GABRG1: variants seen among roughly 807,000 people sequenced by gnomAD.
GABRG1 encodes the protein gamma-aminobutyric acid receptor subunit gamma-1.
Under a neutral mutation model 49.8 loss-of-function variants are expected in GABRG1, and 49 were observed. The observed-to-expected ratio is 0.98, with a 90% CI of 0.78 to 1.25. The LOEUF (loss-of-function observed/expected upper bound fraction) is 1.25, where lower values mean the gene tolerates loss of function less well. GABRG1 is among the 50% of genes most tolerant of loss of function. GABRG1 has a pLI of 0.00. For synonymous variants in GABRG1, 232 were observed against 185.1 expected, an observed-to-expected ratio of 1.25 and a Z score of -2.06; for missense variants, 552 against 552.3, an observed-to-expected ratio of 1.00 and a Z score of 0.01.
chr4:46,047,961 T>C (rs1039111557), intron 8 of GABRG1, among the ~76,000 whole-genome samples: 1 of 152,010 alleles, frequency 6.6e-6, no homozygotes, highest in Non-Finnish European at 1.5e-5. Flanking sequence ...TAATTTCACA[T>C]CTTAATAAAA....
At chr4:46,057,636 A>T (rs536175615) in intron 7 of GABRG1, among the ~76,000 whole-genome samples, 21 of 152,228 alleles carry the variant, frequency 1.4e-4, no homozygotes, top group Non-Finnish European at 2.8e-4. Flanking sequence ...TTACCCTGTT[A>T]ATCAATGTTA....
At chr4:46,091,312 G>A (rs1719981825) in intron 2 of GABRG1, among the ~76,000 whole-genome samples, 1 of 151,826 alleles carries the variant, frequency 6.6e-6, no homozygotes, top group African/African-American at 2.4e-5. Context: ...ACAAAATTAA[G>A]TCCTCTCTGG....
chr4:46,120,437 A>C (rs2109448840), intron 1 of GABRG1, among the ~76,000 whole-genome samples: 1 of 151,888 alleles, frequency 6.6e-6, no homozygotes, highest in East Asian at 1.9e-4. Flanking sequence ...GAATGGAAGA[A>C]AGATACTGAT....
rs527324244 is a variant in GABRG1 at position 46,114,128 on chromosome 4, C to G, written c.104+9682G>C. 2.0e-5 allele frequency among the ~76,000 whole-genome samples: 3 copies of G among 151,014 alleles called. No homozygotes were observed. The East Asian group carries it at 5.9e-4, about 30-fold the overall frequency. On this transcript the variant is annotated intron_variant, in intron 1 of 8. Coordinates refer to ENST00000295452, the MANE Select transcript of GABRG1 (RefSeq NM_173536.4). ...GAAAAGTTCCTTTCTAGGGTTGTAG[C>G]TCTGAATAATTTTTCACTGTACAAA...
chr4:46,080,871 C>T (rs1285185123), intron 3 of GABRG1, among the ~76,000 whole-genome samples: 14 of 151,794 alleles, frequency 9.2e-5, no homozygotes, highest in Non-Finnish European at 2.1e-4. Context: ...TACAATACTC[C>T]ACTAAAGAAG....
Position 46,065,565 on chromosome 4 carries a change from A to T in GABRG1, c.341T>A (p.Ile114Asn), listed in dbSNP as rs1439618330. 2 of 1,482,450 alleles carry T rather than the reference A, an allele frequency of 1.3e-6. No individual in the cohort carries two copies. The highest frequency in any genetic ancestry group is 3.4e-5 in the Admixed American group (2 of 59,652). 91.8% of individuals were successfully genotyped at this position (1,482,450 alleles called of 1,614,324 possible). The change falls in exon 4 of 9, where the codon ATT (isoleucine) becomes AAT (asparagine). Residue 114 changes from isoleucine (I) to asparagine (N), a missense_variant. Transcript: ENST00000295452. ...PINMEYTIDIIFAQTWFDSRL... is the reference protein window; with the variant it reads ...PINMEYTIDINFAQTWFDSRL... ...ACTGTCAAACCAGGTTTGGGCAAAAATTATATCTATTGTATATTCCTAAAA... is the reference window on the plus strand; with the variant it reads ...ACTGTCAAACCAGGTTTGGGCAAAATTTATATCTATTGTATATTCCTAAAA...
At chr4:46,118,026 A>T (rs1320613812) in intron 1 of GABRG1, among the ~76,000 whole-genome samples, 1 of 130,846 alleles carries the variant, frequency 7.6e-6, no homozygotes, top group East Asian at 2.1e-4. Flanking sequence ...GTGTATCTAT[A>T]TACATATATA....
intron 3 of GABRG1, among the ~76,000 whole-genome samples, chr4:46,068,227 A>G (rs1718989374): frequency 6.6e-6 from 1 of 152,172 alleles, no homozygotes; most frequent in Admixed American, 6.5e-5. Flanking sequence ...ACTGTTGCAT[A>G]GGATCAAACA....
At position 46,087,603 on chromosome 4, in the gene GABRG1, G is replaced by A. The variant is rs189893581; in HGVS notation, c.254-3550C>T. On this transcript the variant is annotated intron_variant, in intron 2 of 8. Coordinates refer to ENST00000295452, the MANE Select transcript of GABRG1 (RefSeq NM_173536.4). ...ATAAAATTGAGAAAAATAAAATATC[G>A]ATCTAGTTAACAGAAAACCTATAGT... Among the ~76,000 whole-genome samples, 334 of 151,652 alleles carry A rather than the reference G, an allele frequency of 2.2e-3. 1 individual carries two copies. The highest frequency in any genetic ancestry group is 7.5e-3 in the African/African-American group (310 of 41,444).
intron 2 of GABRG1, among the ~76,000 whole-genome samples, chr4:46,087,619 A>T (rs1328609467): frequency 6.6e-6 from 1 of 151,852 alleles, no homozygotes; most frequent in Non-Finnish European, 1.5e-5. Context: ...GTTAACAGAA[A>T]ACCTATAGTT....
chr4:46,076,695 T>C (rs1415774034), intron 3 of GABRG1, among the ~76,000 whole-genome samples: 3 of 151,586 alleles, frequency 2.0e-5, no homozygotes, highest in Admixed American at 6.6e-5. Flanking sequence ...GAGGCCAGAA[T>C]TACCAAGCAG....
At chr4:46,106,121 T>C (rs1290904118) in intron 1 of GABRG1, among the ~76,000 whole-genome samples, 2 of 151,468 alleles carry the variant, frequency 1.3e-5, no homozygotes, top group African/African-American at 4.8e-5. Context: ...AGGTCCTTTC[T>C]CAGGCCAAGT....
intron 1 of GABRG1, among the ~76,000 whole-genome samples, chr4:46,105,151 C>A (rs1325278055): frequency 1.3e-5 from 2 of 151,242 alleles, no homozygotes; most frequent in Non-Finnish European, 3.0e-5. Flanking sequence ...AAAGCACAAA[C>A]AAAGAGAAGG....
At chr4:46,080,221 T>G (rs1577652836) in intron 3 of GABRG1, among the ~76,000 whole-genome samples, 1 of 151,848 alleles carries the variant, frequency 6.6e-6, no homozygotes, top group Admixed American at 6.6e-5. Context: ...TTAATTTTGT[T>G]TCTTACTGGT....
At chr4:46,067,288 T>G (rs953278830) in intron 3 of GABRG1, among the ~76,000 whole-genome samples, 5 of 152,086 alleles carry the variant, frequency 3.3e-5, no homozygotes, top group African/African-American at 1.2e-4. Flanking sequence ...TGATGAACAG[T>G]GTTACAATTC....
chr4:46,101,148 A>G (rs1163643453), intron 1 of GABRG1, among the ~76,000 whole-genome samples: 1 of 150,966 alleles, frequency 6.6e-6, no homozygotes, highest in African/African-American at 2.4e-5. Context: ...TAAAAATAAT[A>G]CTCTGAGAAT....
At chr4:46,094,823 G>A (rs1577661131) in intron 2 of GABRG1, among the ~76,000 whole-genome samples, 1 of 152,020 alleles carries the variant, frequency 6.6e-6, no homozygotes, top group Admixed American at 6.6e-5. Flanking sequence ...CTAAGATCTT[G>A]TAGAACACCC....
chr4:46,106,755 G>A (rs1301709839), intron 1 of GABRG1, among the ~76,000 whole-genome samples: 1 of 148,518 alleles, frequency 6.7e-6, no homozygotes, highest in Admixed American at 6.8e-5. Flanking sequence ...CATTTTTTTG[G>A]TATATGAAAT....
chr4:46,037,790 T>C lies in GABRG1; in HGVS notation c.*3198A>G, dbSNP rs1019968424. Reference sequence around the variant, plus strand: ...TCCTCTCTTGTAAAATCAAAGTGTTTTGTGTATTTTTCACAAATTTTGACC... The same window carrying C: ...TCCTCTCTTGTAAAATCAAAGTGTTCTGTGTATTTTTCACAAATTTTGACC... On this transcript the variant is annotated 3_prime_UTR_variant, in exon 9 of 9. Coordinates refer to ENST00000295452, the MANE Select transcript of GABRG1 (RefSeq NM_173536.4). 1 of 151,792 alleles carries C rather than the reference T, an allele frequency of 6.6e-6. No homozygotes were observed. The highest frequency in any genetic ancestry group is 2.4e-5 in the African/African-American group (1 of 41,434). 9.4% of individuals were successfully genotyped at this position (151,792 alleles called of 1,614,324 possible).
Sources: gnomAD v4.1 joint callset for allele counts (sites outside exome capture counted in the v4.1 genomes callset) on GRCh38, gnomAD v4.1.1 for gene constraint, MANE v1.5 for transcripts, NCBI Gene and HGNC (gene_info 2026-07-23, HGNC 2026-07-21) for gene names.